SLC22A23: variants seen among roughly 807,000 people sequenced by gnomAD.
SLC22A23 encodes ion transporter protein.
In SLC22A23, 26 loss-of-function variants were observed where a neutral mutation model predicts 61.0. That is an observed-to-expected ratio of 0.43 (90% confidence interval 0.31 to 0.59). SLC22A23 has a LOEUF of 0.59. Ranked by LOEUF, SLC22A23 falls within the 20% of genes least tolerant of loss-of-function variation. The pLI is 0.11. For missense variants in SLC22A23, 796 were observed against 934.7 expected (o/e 0.85, Z 1.94); for synonymous variants, 430 against 413.9 (o/e 1.04, Z -0.47).
chr6:3,305,163 C>G (rs891116321), intron 4 of SLC22A23, among the ~76,000 whole-genome samples: 3 of 152,148 alleles, frequency 2.0e-5, no homozygotes, highest in African/African-American at 7.2e-5. Context: ...GATATAGTGG[C>G]GCTATAATTA....
chr6:3,354,270 T>G (rs900378425), intron 3 of SLC22A23, among the ~76,000 whole-genome samples: 1 of 152,194 alleles, frequency 6.6e-6, no homozygotes, highest in Non-Finnish European at 1.5e-5. Flanking sequence ...TTCAGGACCC[T>G]TCAAAGGTAA....
chr6:3,298,377 C>T (rs1054367685), intron 4 of SLC22A23, among the ~76,000 whole-genome samples, 159 bp from the exon 5 acceptor site: 3 of 152,058 alleles, frequency 2.0e-5, no homozygotes, highest in Admixed American at 2.0e-4. Context: ...GGCACTGAAA[C>T]GTTCCCAGTT....
In SLC22A23 at chr6:3,328,088, C is replaced by A. The variant is rs1456221648; in HGVS notation, c.914-4086G>T. On this transcript the variant is annotated intron_variant, in intron 3 of 9. Coordinates refer to ENST00000406686, the MANE Select transcript of SLC22A23 (RefSeq NM_015482.2). This position sits in a 1 kb window ranked among gnomAD's most constrained non-coding sequence, Gnocchi z 5.0. ...GTGAGATCCTGTCTCTAAAAAACAA[C>A]CAACCAAACAAACAACCGTTACTTT... Among the ~76,000 whole-genome samples the A allele has an allele frequency of 6.6e-6, 1 of 151,738 alleles. No homozygotes were observed. Among genetic ancestry groups the A allele is most frequent in the Non-Finnish European group, 1.5e-5 (1 of 67,994 alleles).
chr6:3,346,153 C>T (rs534555594), intron 3 of SLC22A23, among the ~76,000 whole-genome samples: 2 of 152,120 alleles, frequency 1.3e-5, no homozygotes, highest in South Asian at 2.1e-4. Context: ...GGCTCCTGGA[C>T]GTTCAAGGGC....
At chr6:3,412,953 C>T (rs6899944) in intron 2 of SLC22A23, among the ~76,000 whole-genome samples, 74,008 of 151,994 alleles carry the variant, frequency 0.49, 18,421 homozygotes, top group African/African-American at 0.51. Context: ...GCTGACACCC[C>T]GACTTTAGAC....
intron 3 of SLC22A23, among the ~76,000 whole-genome samples, chr6:3,395,416 C>T (rs1361616407): frequency 1.3e-5 from 2 of 152,214 alleles, no homozygotes; most frequent in East Asian, 3.9e-4. Flanking sequence ...GCCCATCCAT[C>T]TTGTAAAGAT....
intron 4 of SLC22A23, among the ~76,000 whole-genome samples, chr6:3,303,792 A>T (rs1408115111): frequency 6.6e-6 from 1 of 152,254 alleles, no homozygotes; most frequent in Non-Finnish European, 1.5e-5. Context: ...GGAGCACTGT[A>T]GGATGACTCT....
rs1042685246 is a variant in SLC22A23, at chr6:3,324,933, C to T, written c.914-931G>A. Reference sequence around the variant, plus strand: ...GACAACCAATACAGACTTACTACTACGTGAATCACCATAATGAAAGCCCTT... The same window carrying T: ...GACAACCAATACAGACTTACTACTATGTGAATCACCATAATGAAAGCCCTT... On this transcript the variant is annotated intron_variant, in intron 3 of 9. Coordinates refer to ENST00000406686, the MANE Select transcript of SLC22A23 (RefSeq NM_015482.2). This position sits in a 1 kb window ranked among gnomAD's most constrained non-coding sequence, Gnocchi z 4.3. Among the ~76,000 whole-genome samples the T allele has an allele frequency of 3.3e-5, 5 of 152,216 alleles. No individual in the cohort carries two copies. Among genetic ancestry groups the T allele is most frequent in the Admixed American group, 6.5e-5 (1 of 15,276 alleles).
chr6:3,418,568 C>T (rs954534067), intron 1 of SLC22A23, among the ~76,000 whole-genome samples: 11 of 152,204 alleles, frequency 7.2e-5, no homozygotes, highest in African/African-American at 2.2e-4. Context: ...GTCACTCACA[C>T]GCCTGGTAGG....
intron 5 of SLC22A23, among the ~76,000 whole-genome samples, chr6:3,294,531 C>T (rs4959798): frequency 0.092 from 14,039 of 152,272 alleles, 827 homozygotes; most frequent in African/African-American, 0.15. Flanking sequence ...AAGGGATGCT[C>T]AGCCTGTGAA....
intron 1 of SLC22A23, among the ~76,000 whole-genome samples, chr6:3,449,203 T>C (rs1367384475): frequency 6.6e-6 from 1 of 152,172 alleles, no homozygotes; most frequent in East Asian, 1.9e-4. Context: ...ATAAAGAAGT[T>C]ATAAGATCAT....
chr6:3,423,743 A>G (rs1220448159), intron 1 of SLC22A23, among the ~76,000 whole-genome samples: 3 of 152,270 alleles, frequency 2.0e-5, no homozygotes, highest in Non-Finnish European at 4.4e-5. Context: ...TGTTAACTTG[A>G]GAAATTCAAA....
At chr6:3,295,581 G>A (rs1009153419) in intron 5 of SLC22A23, among the ~76,000 whole-genome samples, 10 of 152,224 alleles carry the variant, frequency 6.6e-5, no homozygotes, top group East Asian at 1.9e-4. Flanking sequence ...GCCAGGGCGC[G>A]AGAGGGTGAC....
At chr6:3,370,348 C>T (rs992178561) in intron 3 of SLC22A23, among the ~76,000 whole-genome samples, 5 of 152,242 alleles carry the variant, frequency 3.3e-5, no homozygotes, top group South Asian at 4.1e-4. Context: ...CGAGGCTCAC[C>T]GGGGCAGTGG....
At chr6:3,334,057 T>C (rs140404111) in intron 3 of SLC22A23, among the ~76,000 whole-genome samples, 44 of 152,338 alleles carry the variant, frequency 2.9e-4, no homozygotes, top group African/African-American at 1.1e-3. Flanking sequence ...AATTAATTTT[T>C]CCATTGTAGC....
At chr6:3,450,330 G>A (rs1037392257) in intron 1 of SLC22A23, among the ~76,000 whole-genome samples, 6 of 151,952 alleles carry the variant, frequency 3.9e-5, no homozygotes, top group South Asian at 4.1e-4. Flanking sequence ...TTTTTGAGAC[G>A]GAGTCTCGCT....
At chr6:3,290,122 C>G (rs1319331220) in intron 5 of SLC22A23, 1 of 539,834 alleles carries the variant, frequency 1.9e-6, no homozygotes, top group Non-Finnish European at 3.3e-6. Context: ...GCAGAAGTTT[C>G]CATCACAAAC....
chr6:3,369,690 C>CAAAAAA, intron 3 of SLC22A23, among the ~76,000 whole-genome samples: 1 of 144,988 alleles, frequency 6.9e-6, no homozygotes, highest in Non-Finnish European at 1.5e-5. Context: ...GACTCCATCT[C>CAAAAAA]AAAAAAAAAA....
chr6:3,361,153 A>T (rs1048843634), intron 3 of SLC22A23, among the ~76,000 whole-genome samples: 1 of 150,308 alleles, frequency 6.7e-6, no homozygotes, highest in Non-Finnish European at 1.5e-5. Context: ...CCCCCAAAGG[A>T]GCCTGCAGCA....
Sources: gnomAD v4.1 joint callset for allele counts (sites outside exome capture counted in the v4.1 genomes callset) on GRCh38, gnomAD v4.1.1 for gene constraint, Gnocchi (gnomAD v3.1) non-coding constraint, MANE v1.5 for transcripts, NCBI Gene and HGNC (gene_info 2026-07-23, HGNC 2026-07-21) for gene names.